STAU2: variants seen among roughly 807,000 people sequenced by gnomAD.
STAU2 encodes double-stranded RNA-binding protein Staufen homolog 2.
Under a neutral mutation model 65.9 loss-of-function variants are expected in STAU2, and 20 were observed. The observed-to-expected ratio is 0.30, with a 90% CI of 0.21 to 0.44. The LOEUF is 0.44. Among genes scored for constraint, STAU2 ranks in the 20% least tolerant of loss-of-function variants. The probability of loss-of-function intolerance (pLI) is 1.00; values close to 1 mark genes in which losing one functional copy is unlikely to be tolerated. For missense variants in STAU2, 558 were observed against 683.9 expected, an observed-to-expected ratio of 0.82 and a Z score of 2.05; for synonymous variants, 232 against 233.9, an observed-to-expected ratio of 0.99 and a Z score of 0.07.
chr8:73,505,835 T>C (rs758562685), intron 13 of STAU2, among the ~76,000 whole-genome samples: 1 of 152,038 alleles, frequency 6.6e-6, no homozygotes, highest in African/African-American at 2.4e-5. Flanking sequence ...GGTAACTAGA[T>C]CGTGGGAGCA....
Position 73,485,791 on chromosome 8 carries a change from G to T in STAU2, c.1531-63089C>A, listed in dbSNP as rs140711611. Reference sequence around the variant, plus strand: ...TGAGGCTATAGTGAGCTGTAATAGTGCCACAGCACTCCAGCCTGGACAACA... The same window carrying T: ...TGAGGCTATAGTGAGCTGTAATAGTTCCACAGCACTCCAGCCTGGACAACA... On this transcript the variant is annotated intron_variant, in intron 13 of 14. Coordinates refer to ENST00000524300, the MANE Select transcript of STAU2 (RefSeq NM_001164380.2). Among the ~76,000 whole-genome samples, 51 of 152,198 alleles carry T rather than the reference G, an allele frequency of 3.4e-4. 2 individuals are homozygous for T. In the East Asian group the frequency reaches 9.1e-3, roughly 27 times the overall value.
Position 73,605,163 on chromosome 8 carries a change from ATATAG to A in STAU2, c.892-1305_892-1301del, listed in dbSNP as rs548081311. Among the ~76,000 whole-genome samples, 1,235 of 152,190 alleles carry A rather than the reference ATATAG, an allele frequency of 8.1e-3. 19 individuals carry two copies. The highest frequency in any genetic ancestry group is 0.028 in the African/African-American group (1,145 of 41,548). ...AAAGGCAAGCTACAGAATAATATAT[ATATAG>A]TATATTTTATGTAAAGCCTGCTAAA... is the stretch of plus-strand genomic sequence containing the variant. On this transcript the variant is annotated intron_variant, in intron 9 of 14. Coordinates refer to ENST00000524300, the MANE Select transcript of STAU2 (RefSeq NM_001164380.2).
chr8:73,715,415 C>G (rs1821182680), intron 3 of STAU2, among the ~76,000 whole-genome samples: 1 of 141,554 alleles, frequency 7.1e-6, no homozygotes, highest in South Asian at 2.2e-4. Flanking sequence ...GAGATGGCAC[C>G]ACTACACTCT....
chr8:73,454,251 C>G (rs772196442), intron 13 of STAU2, among the ~76,000 whole-genome samples: 1 of 152,180 alleles, frequency 6.6e-6, no homozygotes, highest in Admixed American at 6.5e-5. Context: ...TGTTTTGCTA[C>G]ACATGCCAAA....
At chr8:73,461,465 G>A (rs1357841987) in intron 13 of STAU2, among the ~76,000 whole-genome samples, 2 of 152,054 alleles carry the variant, frequency 1.3e-5, no homozygotes, top group Non-Finnish European at 2.9e-5. Flanking sequence ...GATAAGCAGT[G>A]GAAGCCATCC....
At chr8:73,585,521 T>A (rs1810303697) in intron 11 of STAU2, among the ~76,000 whole-genome samples, 1 of 152,230 alleles carries the variant, frequency 6.6e-6, no homozygotes, top group Admixed American at 6.5e-5. Flanking sequence ...GTAGGTAACA[T>A]ATGATTTTCA....
upstream of STAU2, chr8:73,747,057 A>C: frequency 4.4e-6 from 1 of 229,044 alleles, no homozygotes; most frequent in Non-Finnish European, 7.8e-6. Context: ...GCCCGCGACC[A>C]AGCGCGGCCA....
Position 73,687,336 on chromosome 8 carries a change from ATTT to A in STAU2, c.274+1315_274+1317del, listed in dbSNP as rs1563506794. On this transcript the variant is annotated intron_variant, in intron 5 of 14. Coordinates refer to ENST00000524300, the MANE Select transcript of STAU2 (RefSeq NM_001164380.2). Reference sequence around the variant, plus strand: ...ATTTATATTTATATTTATAAATATAATTTATATTTATAATTTATATAATATAAA... The same window carrying A: ...ATTTATATTTATATTTATAAATATAAATATTTATAATTTATATAATATAAA... Among the ~76,000 whole-genome samples the A allele has an allele frequency of 1.1e-4, 9 of 85,252 alleles. 1 individual carries two copies. The highest frequency in any genetic ancestry group is 1.8e-4 in the Non-Finnish European group (8 of 45,376). The allele number at this position is 85,252 out of a possible 152,430, so 55.9% of individuals were successfully genotyped here.
intron 13 of STAU2, among the ~76,000 whole-genome samples, chr8:73,543,809 G>C (rs939778539): frequency 6.6e-6 from 1 of 152,072 alleles, no homozygotes; most frequent in African/African-American, 2.4e-5. Flanking sequence ...TCTCTTGTAG[G>C]CCTTTGTCCA....
chr8:73,681,741 A>G (rs760435134), intron 5 of STAU2, among the ~76,000 whole-genome samples: 141 of 152,144 alleles, frequency 9.3e-4, no homozygotes, highest in African/African-American at 6.5e-4. Context: ...CTCACCTAAC[A>G]CATAAGGACT....
intron 9 of STAU2, among the ~76,000 whole-genome samples, chr8:73,612,460 T>C (rs1381911052): frequency 6.6e-6 from 1 of 152,200 alleles, no homozygotes; most frequent in Admixed American, 6.5e-5. Context: ...ATTCTACTCC[T>C]GACTGTGTAG....
intron 12 of STAU2, among the ~76,000 whole-genome samples, chr8:73,560,323 GCCCACCTCGGCCTC>G (rs1808131103): frequency 6.6e-6 from 1 of 151,822 alleles, no homozygotes; most frequent in African/African-American, 2.4e-5. Flanking sequence ...CTCGTGATCC[GCCCACCTCGGCCTC>G]CCAAAGTGCT....
At chr8:73,735,389 A>C (rs562180518) in intron 3 of STAU2, among the ~76,000 whole-genome samples, 26 of 152,324 alleles carry the variant, frequency 1.7e-4, no homozygotes, top group Admixed American at 1.4e-3. Context: ...TGACAGTTAT[A>C]GTCAGTAACA....
chr8:73,631,891 A>G (rs979228082), intron 6 of STAU2, among the ~76,000 whole-genome samples: 2 of 152,050 alleles, frequency 1.3e-5, no homozygotes. Context: ...ATTACTGCCT[A>G]CGATCCTAAA....
intron 13 of STAU2, among the ~76,000 whole-genome samples, chr8:73,478,870 G>C (rs533120460): frequency 6.6e-6 from 1 of 152,162 alleles, no homozygotes; most frequent in Non-Finnish European, 1.5e-5. Context: ...TAGATAGACA[G>C]ATAGATGGTT....
Position 73,552,167 on chromosome 8 carries a change from T to G in STAU2, c.1375A>C (p.Asn459His). 2 of 1,614,024 alleles carry G rather than the reference T, an allele frequency of 1.2e-6. No homozygotes were observed. The highest frequency in any genetic ancestry group is 1.7e-6 in the Non-Finnish European group (2 of 1,179,902). ...TCCCTGGCAATTGTAGCTGAACTAT[T>G]CGATGTGGGAGATATACTGAAGAAA... ...SSFFSISPTS[N>H]SSATIARELL... Residue 459 changes from asparagine (N) to histidine (H), a missense_variant, in exon 13 of 15, where the codon AAT becomes CAT. Coordinates refer to ENST00000524300, the MANE Select transcript of STAU2 (RefSeq NM_001164380.2).
chr8:73,436,299 G>A (rs895051037), intron 13 of STAU2, among the ~76,000 whole-genome samples: 9 of 151,746 alleles, frequency 5.9e-5, no homozygotes, highest in African/African-American at 2.2e-4. Flanking sequence ...GGTGAGGGAT[G>A]CAGTGAGCCT....
chr8:73,448,896 C>T (rs548902449), intron 13 of STAU2, among the ~76,000 whole-genome samples: 216 of 152,332 alleles, frequency 1.4e-3, no homozygotes, highest in African/African-American at 4.9e-3. Flanking sequence ...GTGCTCAGCG[C>T]GGGAATATTC....
chr8:73,572,144 A>C (rs1809146900), intron 12 of STAU2, among the ~76,000 whole-genome samples: 1 of 152,200 alleles, frequency 6.6e-6, no homozygotes, highest in South Asian at 2.1e-4. Flanking sequence ...AAACTAGAAA[A>C]TCTAGAAGAA....
Sources: gnomAD v4.1 joint callset for allele counts (sites outside exome capture counted in the v4.1 genomes callset) on GRCh38, gnomAD v4.1.1 for gene constraint, MANE v1.5 for transcripts, NCBI Gene and HGNC (gene_info 2026-07-23, HGNC 2026-07-21) for gene names.